ADAMTSL5: variants seen among roughly 807,000 people sequenced by gnomAD.
The protein encoded by ADAMTSL5 is ADAMTS like 5.
Under a neutral mutation model 51.7 loss-of-function variants are expected in ADAMTSL5, and 53 were observed. The observed-to-expected ratio is 1.03, with a 90% CI of 0.82 to 1.29. The LOEUF is 1.29. Among genes scored for constraint, ADAMTSL5 ranks in the 50% most tolerant of loss-of-function variants. The probability of loss-of-function intolerance (pLI) is 0.00; values close to 1 mark genes in which losing one functional copy is unlikely to be tolerated. For synonymous variants in ADAMTSL5, 285 were observed against 278.7 expected, an observed-to-expected ratio of 1.02 and a Z score of -0.23; for missense variants, 770 against 676.2, an observed-to-expected ratio of 1.14 and a Z score of -1.54.
chr19:1,509,480 C>T (rs1913138352), intron 5 of ADAMTSL5, among the ~76,000 whole-genome samples: 1 of 152,082 alleles, frequency 6.6e-6, no homozygotes, highest in Non-Finnish European at 1.5e-5. Context: ...ACTCCTCCTT[C>T]TCCAGCTCCT....
rs575949469 is a variant in ADAMTSL5 at position 1,505,702 on chromosome 19, C to T, written c.*313G>A. The stretch of plus-strand genomic sequence containing the variant: ...AGTGTCTCCAAGCAAGTGTGACGCG[C>T]GCAAAGAGAAAGAAAGCAGCGTTAA... On this transcript the variant is annotated 3_prime_UTR_variant, in exon 12 of 12. Transcript: ENST00000330475. 50 of 307,650 alleles carry T rather than the reference C, an allele frequency of 1.6e-4. No homozygotes were observed. The highest frequency in any genetic ancestry group is 3.5e-4 in the South Asian group (5 of 14,206). 19.1% of individuals were successfully genotyped at this position (307,650 alleles called of 1,614,324 possible).
rs753410952 is a variant in ADAMTSL5, at chr19:1,506,318, T to G, written c.1115-2A>C. 1.9e-6 allele frequency: 3 copies of G among 1,544,070 alleles called. No individual in the cohort carries two copies. The highest frequency in any genetic ancestry group is 2.6e-6 in the Non-Finnish European group (3 of 1,143,484). On this transcript the variant is annotated splice_acceptor_variant, in intron 11 of 11. Coordinates refer to ENST00000330475, the MANE Select transcript of ADAMTSL5 (RefSeq NM_213604.3). LOFTEE classifies it high-confidence loss of function. This position sits in a 1 kb window ranked among gnomAD's most constrained non-coding sequence, Gnocchi z 5.6. Reference sequence around the variant, plus strand: ...GGCCCAGCACTCGGGCCTGGAACACTGTTGAGGGGACGTGCTAAGCTGGCT... The same window carrying G: ...GGCCCAGCACTCGGGCCTGGAACACGGTTGAGGGGACGTGCTAAGCTGGCT...
In ADAMTSL5 at chr19:1,511,161, C is replaced by T; in HGVS notation, c.-217-1G>A. The T allele has an allele frequency of 2.7e-6, 1 of 376,150 alleles. No individual in the cohort carries two copies. Among genetic ancestry groups the T allele is most frequent in the East Asian group, 3.9e-5 (1 of 25,328 alleles). The allele number at this position is 376,150 out of a possible 1,614,324, so 23.3% of individuals were successfully genotyped here. The stretch of plus-strand genomic sequence containing the variant: ...GGAGAGGAAGAACTCAGAATGTCAT[C>T]TGCAATTATTATTGTTGTTAGTTAG... On this transcript the variant is annotated splice_acceptor_variant, in intron 1 of 11. Coordinates refer to ENST00000330475, the MANE Select transcript of ADAMTSL5 (RefSeq NM_213604.3). LOFTEE classifies it low-confidence loss of function (5UTR_SPLICE).
At position 1,510,152 on chromosome 19, in the gene ADAMTSL5, C is replaced by T. The variant is rs777683885; in HGVS notation, c.359G>A (p.Gly120Glu). Reference protein sequence around the residue: ...QKTYQWVPFHGAPNQCDLNCL... With the variant: ...QKTYQWVPFHEAPNQCDLNCL... ...CCACAGGAGACCAGACTACTCACCC[C>T]CATGGAAGGGCACCCACTGGTAGGT... is the stretch of plus-strand genomic sequence containing the variant. Residue 120 changes from glycine (G) to glutamate (E), a missense_variant and splice_region_variant, in exon 5 of 12, where the codon GGG becomes GAG. Gly to Glu is a moderately conservative substitution (Grantham distance 98). Transcript: ENST00000330475. 7 of 1,609,870 alleles carry T rather than the reference C, an allele frequency of 4.3e-6. No individual in the cohort carries two copies. In the South Asian group the frequency reaches 7.8e-5, roughly 18 times the overall value.
rs372042539 is a variant in ADAMTSL5 at position 1,512,002 on chromosome 19, C to G, written c.-217-842G>C. Among the ~76,000 whole-genome samples the G allele has an allele frequency of 7.2e-5, 11 of 152,352 alleles. No homozygotes were observed. In the South Asian group the frequency reaches 2.3e-3, roughly 32 times the overall value. On this transcript the variant is annotated intron_variant, in intron 1 of 11. Coordinates refer to ENST00000330475, the MANE Select transcript of ADAMTSL5 (RefSeq NM_213604.3). ...GGGAAGGGGAGGAGGCTGACTGCCTCTCTGGGCCTTAGTTTCTCCATCCTG... is the reference window on the plus strand; with the variant it reads ...GGGAAGGGGAGGAGGCTGACTGCCTGTCTGGGCCTTAGTTTCTCCATCCTG...
rs1180532886 is a variant in ADAMTSL5, at chr19:1,510,431, G to A, written c.192-3C>T. On this transcript the variant is annotated splice_region_variant and splice_polypyrimidine_tract_variant and intron_variant, in intron 3 of 11. Coordinates refer to ENST00000330475, the MANE Select transcript of ADAMTSL5 (RefSeq NM_213604.3). ...AGCACGGTTCTTCCCCAGGAAGCCT[G>A]AAGGGAGACAGAGTGTGGCGAGAAC... The A allele has an allele frequency of 2.5e-6, 4 of 1,609,656 alleles. No individual in the cohort carries two copies. Among genetic ancestry groups the A allele is most frequent in the Non-Finnish European group, 3.4e-6 (4 of 1,178,990 alleles).
At chr19:1,509,453 C>T (rs1164288124) in intron 5 of ADAMTSL5, among the ~76,000 whole-genome samples, 5 of 152,082 alleles carry the variant, frequency 3.3e-5, no homozygotes, top group African/African-American at 9.6e-5. Context: ...ACACAAAGGC[C>T]GACAGCCCTG....
chr19:1,506,004 C>T lies in ADAMTSL5; in HGVS notation c.*11G>A, dbSNP rs371632368. 3.9e-5 allele frequency: 60 copies of T among 1,534,038 alleles called. No individual in the cohort carries two copies. The South Asian group carries it at 5.0e-4, about 13-fold the overall frequency. On this transcript the variant is annotated 3_prime_UTR_variant, in exon 12 of 12. Coordinates refer to ENST00000330475, the MANE Select transcript of ADAMTSL5 (RefSeq NM_213604.3). This position sits in a 1 kb window ranked among gnomAD's most constrained non-coding sequence, Gnocchi z 5.6. ...TTTCTTGCTGTGTGTGGCCGGGGCT[C>T]CTGCAGGGGCTCAGCCAGGACAGCG...
Position 1,506,448 on chromosome 19 carries a change from G to C in ADAMTSL5, c.1115-132C>G. 1.4e-6 allele frequency: 2 copies of C among 1,447,740 alleles called. No homozygotes were observed. The highest frequency in any genetic ancestry group is 1.9e-6 in the Non-Finnish European group (2 of 1,055,838). 89.7% of individuals were successfully genotyped at this position (1,447,740 alleles called of 1,614,324 possible). A position where few individuals can be genotyped will look rare whatever the true frequency, so the allele number is the denominator to read the frequency against. ...CTATAGGGACTAGAGTCAGGATCAC[G>C]TCAGGGATCAATGAGGGATTAGGGT... On this transcript the variant is annotated intron_variant, in intron 11 of 11. Transcript: ENST00000330475. The surrounding 1 kb of genome is among the most constrained non-coding windows in gnomAD (Gnocchi z 5.6).
Position 1,505,792 on chromosome 19 carries a change from G to C in ADAMTSL5, c.*223C>G, listed in dbSNP as rs76550839. 2.0e-6 allele frequency: 1 copy of C among 490,710 alleles called. No homozygotes were observed. Among genetic ancestry groups the C allele is most frequent in the Non-Finnish European group, 3.5e-6 (1 of 289,182 alleles). The allele number at this position is 490,710 out of a possible 1,614,324, so 30.4% of individuals were successfully genotyped here. A position where few individuals can be genotyped will look rare whatever the true frequency, so the allele number is the denominator to read the frequency against. On this transcript the variant is annotated 3_prime_UTR_variant, in exon 12 of 12. Transcript: ENST00000330475. ...AAGGAGAGAGGCGAAATAAAAGTCAGAGTCTCCTTAGTGCCTCCTCACCAG... is the reference window on the plus strand; with the variant it reads ...AAGGAGAGAGGCGAAATAAAAGTCACAGTCTCCTTAGTGCCTCCTCACCAG...
Position 1,507,299 on chromosome 19 carries a change from T to G in ADAMTSL5, c.795A>C (p.Thr265=). The G allele has an allele frequency of 1.3e-6, 2 of 1,586,286 alleles. No individual in the cohort carries two copies. The highest frequency in any genetic ancestry group is 2.3e-5 in the South Asian group (2 of 87,378). Residue 265 remains threonine, a synonymous_variant, in exon 9 of 12, where the codon ACA becomes ACC. Transcript: ENST00000330475. ...AGTHVVYTRD[T]GPQETLQAAG... The stretch of plus-strand genomic sequence containing the variant: ...CTGCTTGCAATGTCTCCTGGGGCCC[T>G]GTGTCTCGGGTGTAGACCACATGCG...
chr19:1,510,512 C>T, intron 3 of ADAMTSL5, 84 bp from the exon 4 acceptor site: 1 of 1,511,852 alleles, frequency 6.6e-7, no homozygotes, highest in African/African-American at 1.4e-5. Context: ...GCCAACCCCA[C>T]CCGCATTCCA....
chr19:1,508,222 G>A lies in ADAMTSL5; in HGVS notation c.490-113C>T, dbSNP rs910582294. 8 of 1,299,022 alleles carry A rather than the reference G, an allele frequency of 6.2e-6. No individual in the cohort carries two copies. In the African/African-American group the frequency reaches 1.2e-4, roughly 19 times the overall value. 80.5% of individuals were successfully genotyped at this position (1,299,022 alleles called of 1,614,324 possible). On this transcript the variant is annotated intron_variant, in intron 6 of 11. Coordinates refer to ENST00000330475, the MANE Select transcript of ADAMTSL5 (RefSeq NM_213604.3). ...GGCCTGGAGGGAAGATGGGGGTGGA[G>A]CCTAGGGAGGAGCAGGACCTGGCGG...
Position 1,506,418 on chromosome 19 carries a change from G to T in ADAMTSL5, c.1115-102C>A. 6.9e-7 allele frequency: 1 copy of T among 1,450,520 alleles called. No individual in the cohort carries two copies. Among genetic ancestry groups the T allele is most frequent in the South Asian group, 1.3e-5 (1 of 75,428 alleles). The allele number at this position is 1,450,520 out of a possible 1,614,324, so 89.9% of individuals were successfully genotyped here. A position where few individuals can be genotyped will look rare whatever the true frequency, so the allele number is the denominator to read the frequency against. Reference sequence around the variant, plus strand: ...GGGACTGAGGGTCAGGTGGGACCTCGGGATCTATAGGGACTAGAGTCAGGA... The same window carrying T: ...GGGACTGAGGGTCAGGTGGGACCTCTGGATCTATAGGGACTAGAGTCAGGA... On this transcript the variant is annotated intron_variant, in intron 11 of 11. Transcript: ENST00000330475. This position sits in a 1 kb window ranked among gnomAD's most constrained non-coding sequence, Gnocchi z 5.6.
rs748720909 is a variant in ADAMTSL5 at position 1,507,613 on chromosome 19, A to AG, written c.631dup (p.Leu211ProfsTer31). 6.2e-7 allele frequency: 1 copy of AG among 1,613,534 alleles called. No homozygotes were observed. ...GATGTGTCTGGCGCCCTCGGGGATC[A>AG]GGGTCACGTTCCAGTACCCAGCGAA... is the stretch of plus-strand genomic sequence containing the variant. On this transcript the variant is annotated frameshift_variant, in exon 8 of 12. Coordinates refer to ENST00000330475, the MANE Select transcript of ADAMTSL5 (RefSeq NM_213604.3). LOFTEE classifies it high-confidence loss of function.
chr19:1,508,017 C>A lies in ADAMTSL5; in HGVS notation c.582G>T (p.Gln194His). The change falls in exon 7 of 12, where the codon CAG (glutamine) becomes CAT (histidine). Residue 194 changes from glutamine to histidine, a missense_variant. Physicochemically the swap from Gln to His is conservative, Grantham distance 24. Coordinates refer to ENST00000330475, the MANE Select transcript of ADAMTSL5 (RefSeq NM_213604.3). The part of the protein sequence containing the change: ...GGANDSCLFV[Q>H]RVFRDAGAFA... ...AGTCACCGGCGTCACGAAACACGCG[C>A]TGCACGAAAAGGCACGAGTCGTTGG... The A allele has an allele frequency of 6.2e-7, 1 of 1,603,554 alleles. No homozygotes were observed. The highest frequency in any genetic ancestry group is 1.1e-5 in the South Asian group (1 of 89,466).
chr19:1,512,113 C>T (rs935205207), intron 1 of ADAMTSL5, among the ~76,000 whole-genome samples: 15 of 152,266 alleles, frequency 9.9e-5, no homozygotes, highest in South Asian at 4.1e-4. Flanking sequence ...GGGAAGCAGC[C>T]GCCAAGTGAG....
chr19:1,508,106 C>T lies in ADAMTSL5; in HGVS notation c.493G>A (p.Ala165Thr), dbSNP rs933808264. Reference protein sequence around the residue: ...GVCVAGRCLSAGCDGLLGSGA... With the variant: ...GVCVAGRCLSTGCDGLLGSGA... ...GAGCCCAACAACCCATCACAGCCGG[C>T]GCTCTAAAGGGTGAAGGACAGGCGC... The change falls in exon 7 of 12, where the codon GCC becomes ACC. Residue 165 changes from alanine to threonine, a missense_variant. Coordinates refer to ENST00000330475, the MANE Select transcript of ADAMTSL5 (RefSeq NM_213604.3). The T allele has an allele frequency of 3.1e-6, 5 of 1,607,824 alleles. No individual in the cohort carries two copies. The highest frequency in any genetic ancestry group is 4.5e-5 in the East Asian group (2 of 44,690).
At position 1,507,556 on chromosome 19, in the gene ADAMTSL5, C is replaced by T. The variant is rs1343365217; in HGVS notation, c.688+1G>A. The T allele has an allele frequency of 1.9e-6, 3 of 1,613,374 alleles. No individual in the cohort carries two copies. Among genetic ancestry groups the T allele is most frequent in the African/African-American group, 2.7e-5 (2 of 74,924 alleles). ...GCCTCTCGCCTCACATCCTAGGATA[C>T]CCAGGTGGTTGCGGCTCCTGTGTTC... On this transcript the variant is annotated splice_donor_variant, in intron 8 of 11. Transcript: ENST00000330475. LOFTEE classifies it high-confidence loss of function.
Sources: gnomAD v4.1 joint callset for allele counts (sites outside exome capture counted in the v4.1 genomes callset) on GRCh38, gnomAD v4.1.1 for gene constraint, Gnocchi (gnomAD v3.1) non-coding constraint, MANE v1.5 for transcripts, NCBI Gene and HGNC (gene_info 2026-07-23, HGNC 2026-07-21) for gene names.